LRP1: variants seen among roughly 807,000 people sequenced by gnomAD.
The protein encoded by LRP1 is LDL receptor related protein 1.
Under a neutral mutation model 541.5 loss-of-function variants are expected in LRP1, and 51 were observed. The observed-to-expected ratio is 0.09, with a 90% CI of 0.08 to 0.12. LRP1 has a LOEUF of 0.12. Among genes scored for constraint, LRP1 ranks in the 10% least tolerant of loss-of-function variants. LRP1 has a pLI of 1.00. For missense variants in LRP1, 3,878 were observed against 6,376.2 expected, an observed-to-expected ratio of 0.61 and a Z score of 13.34; for synonymous variants, 2,219 against 2,470.8, an observed-to-expected ratio of 0.90 and a Z score of 3.02.
At chr12:57,209,035 G>C in intron 78 of LRP1, 48 bp from the exon 79 acceptor site, 4 of 1,491,412 alleles carry the variant, frequency 2.7e-6, no homozygotes, top group Non-Finnish European at 3.7e-6. Flanking sequence ...TCCACCCCGA[G>C]CCTGGGTTGG....
Position 57,195,049 on chromosome 12 carries a change from G to A in LRP1, c.8256G>A (p.Leu2752=). The change falls in exon 51 of 89, where the codon CTG becomes CTA. Residue 2752 remains leucine (L), a synonymous_variant. Transcript: ENST00000243077. ...QNHRCISKQW[L]CDGSDDCGDG... ...ATCGCTGCATCTCCAAGCAGTGGCT[G>A]TGTGACGGCAGCGATGACTGTGGGG... is the stretch of plus-strand genomic sequence containing the variant. 1.2e-6 allele frequency: 2 copies of A among 1,614,138 alleles called. No homozygotes were observed. Among genetic ancestry groups the A allele is most frequent in the South Asian group, 2.2e-5 (2 of 91,084 alleles).
At chr12:57,131,629 G>A (rs901025608) in intron 1 of LRP1, among the ~76,000 whole-genome samples, 3 of 152,270 alleles carry the variant, frequency 2.0e-5, no homozygotes, top group South Asian at 4.1e-4. Flanking sequence ...CATCCTAAAC[G>A]TCTCCCTTTG....
At position 57,156,021 on chromosome 12, in the gene LRP1, C is replaced by T; in HGVS notation, c.1228-73C>T. On this transcript the variant is annotated intron_variant, in intron 8 of 88. Transcript: ENST00000243077. The surrounding 1 kb of genome is among the most constrained non-coding windows in gnomAD (Gnocchi z 5.2). Reference sequence around the variant, plus strand: ...TGCAGGTCATGAAGTCTGGAGGAAGCTGAGGGGATCTCCAGGACAGAGGGA... The same window carrying T: ...TGCAGGTCATGAAGTCTGGAGGAAGTTGAGGGGATCTCCAGGACAGAGGGA... 8.0e-7 allele frequency: 1 copy of T among 1,244,702 alleles called. No homozygotes were observed. The allele number at this position is 1,244,702 out of a possible 1,614,324, so 77.1% of individuals were successfully genotyped here.
chr12:57,136,923 C>T (rs2035182523), intron 1 of LRP1, among the ~76,000 whole-genome samples: 1 of 152,176 alleles, frequency 6.6e-6, no homozygotes, highest in South Asian at 2.1e-4. Context: ...ACCACAGTTC[C>T]TGGCACATAC....
intron 6 of LRP1, among the ~76,000 whole-genome samples, chr12:57,148,396 G>T (rs1367408736): frequency 6.6e-6 from 1 of 152,092 alleles, no homozygotes; most frequent in South Asian, 2.1e-4. Flanking sequence ...GGCCCAGAGG[G>T]ATCAACAGGC....
Position 57,212,163 on chromosome 12 carries a change from G to T in LRP1, c.13396G>T (p.Val4466Leu), listed in dbSNP as rs530070761. ...ACGGATGACCAACGGGGCCATGAAC[G>T]TGGAGATTGGAAACCCCACCTACAA... ...HQRMTNGAMN[V>L]EIGNPTYKMY... is the part of the protein sequence containing the mutation. The change falls in exon 88 of 89, where the codon GTG (valine) becomes TTG (leucine). Residue 4466 changes from valine (V) to leucine (L), a missense_variant. Physicochemically the swap from Val to Leu is conservative, Grantham distance 32 (BLOSUM62 1). Around this residue, in one of 13 missense-constraint regions of LRP1, gnomAD observed 871 missense variants for 1,212.4 expected, o/e 0.72. Transcript: ENST00000243077. The surrounding 1 kb of genome is among the most constrained non-coding windows in gnomAD (Gnocchi z 5.0). 5.0e-6 allele frequency: 8 copies of T among 1,614,018 alleles called. No homozygotes were observed. The highest frequency in any genetic ancestry group is 1.3e-5 in the African/African-American group (1 of 75,028).
rs1166301138 is a variant in LRP1 at position 57,212,517 on chromosome 12, C to T, written c.13597C>T (p.Arg4533Trp). 1.2e-5 allele frequency: 20 copies of T among 1,613,564 alleles called. No individual in the cohort carries two copies. The highest frequency in any genetic ancestry group is 1.6e-5 in the Non-Finnish European group (19 of 1,179,728). The change falls in exon 89 of 89, where the codon CGG (arginine) becomes TGG (tryptophan). Residue 4533 changes from arginine (R) to tryptophan (W), a missense_variant. Transcript: ENST00000243077. The surrounding 1 kb of genome is among the most constrained non-coding windows in gnomAD (Gnocchi z 5.0). ...GGACGAGAAGCGAGAACTCCTGGGC[C>T]GGGGCCCTGAGGACGAGATAGGGGA... The part of the protein sequence containing the change: ...STDEKRELLG[R>W]GPEDEIGDPL...
intron 6 of LRP1, 59 bp downstream of exon 6, chr12:57,145,549 G>T: frequency 6.3e-7 from 1 of 1,583,626 alleles, no homozygotes. Flanking sequence ...AGGGAAGGTG[G>T]ACCCTATCTT....
chr12:57,152,937 G>A (rs1336318820), intron 6 of LRP1, among the ~76,000 whole-genome samples: 1 of 152,172 alleles, frequency 6.6e-6, no homozygotes, highest in South Asian at 2.1e-4. Flanking sequence ...AGCAGCCCCT[G>A]AATCCCTGTG....
intron 31 of LRP1, 23 bp downstream of exon 31, chr12:57,180,164 C>T (rs2036134821): frequency 3.7e-6 from 6 of 1,608,004 alleles, no homozygotes; most frequent in Non-Finnish European, 5.1e-6. Flanking sequence ...CTGCCCACCC[C>T]CACAGCCCCT....
intron 23 of LRP1, 74 bp from the exon 24 acceptor site, chr12:57,175,835 C>T (rs772695700): frequency 3.2e-5 from 51 of 1,587,646 alleles, no homozygotes; most frequent in Non-Finnish European, 4.2e-5. Flanking sequence ...CCAGCAGAGA[C>T]CTGCCTGCGC....
intron 22 of LRP1, 110 bp from the exon 23 acceptor site, chr12:57,175,350 G>T: frequency 6.1e-6 from 8 of 1,303,902 alleles, no homozygotes; most frequent in Non-Finnish European, 8.7e-6. Flanking sequence ...CGTGGGCAGG[G>T]CACAAGGACT....
chr12:57,132,762 A>G lies in LRP1; in HGVS notation c.67+3731A>G, dbSNP rs535076876. On this transcript the variant is annotated intron_variant, in intron 1 of 88. Coordinates refer to ENST00000243077, the MANE Select transcript of LRP1 (RefSeq NM_002332.3). ...TTTCTGCGTCTCTGTCACTTGTCTTATTTTTCTCTGCCTGTCTCCATTTAC... is the reference window on the plus strand; with the variant it reads ...TTTCTGCGTCTCTGTCACTTGTCTTGTTTTTCTCTGCCTGTCTCCATTTAC... Among the ~76,000 whole-genome samples the G allele has an allele frequency of 3.3e-5, 5 of 151,506 alleles. No individual in the cohort carries two copies. The East Asian group carries it at 7.8e-4, about 24-fold the overall frequency.
rs745832517 is a variant in LRP1, at chr12:57,211,183, C to T, written c.12924C>T (p.Cys4308=). 3 of 1,614,172 alleles carry T rather than the reference C, an allele frequency of 1.9e-6. No homozygotes were observed. Among genetic ancestry groups the T allele is most frequent in the South Asian group, 1.1e-5 (1 of 91,090 alleles). The change falls in exon 84 of 89, where the codon TGC becomes TGT. Residue 4308 remains cysteine (C), a synonymous_variant. Coordinates refer to ENST00000243077, the MANE Select transcript of LRP1 (RefSeq NM_002332.3). The surrounding 1 kb of genome is among the most constrained non-coding windows in gnomAD (Gnocchi z 4.3). ...CTCCCTCCCCAACCACAGGGCAGTG[C>T]TCTGGCTACTGTGAGAACTTTGGCA... ...FLGDRCQYRQ[C]SGYCENFGTC...
chr12:57,148,012 G>A (rs147497332), intron 6 of LRP1, among the ~76,000 whole-genome samples: 1,689 of 152,270 alleles, frequency 0.011, 15 homozygotes, highest in Non-Finnish European at 0.02. Context: ...TATGAGGCTC[G>A]AATTCCAAGA....
At chr12:57,150,189 C>CTTTTTTTTTTTTTTTTTTTTTTTTTTT (rs769778868) in intron 6 of LRP1, 8 of 92,842 alleles carry the variant, frequency 8.6e-5, no homozygotes, top group African/African-American at 3.6e-4. Flanking sequence ...AAACTTCCTT[C>CTTTTTTTTTTTTTTTTTTTTTTTTTTT]TTTTTTTTTT....
rs41291997 is a variant in LRP1 at position 57,158,541 on chromosome 12, C to T, written c.1701C>T (p.His567=). 54 of 1,614,226 alleles carry T rather than the reference C, an allele frequency of 3.3e-5. 1 individual carries two copies. Among genetic ancestry groups the T allele is most frequent in the South Asian group, 7.7e-5 (7 of 91,078 alleles). ...TGAACCCCCGAGCCCTGGACTTCCA[C>T]GCTGAGACCGGCTTCATCTACTTTG... ...NLMNPRALDF[H]AETGFIYFAD... is the part of the protein sequence containing the mutation. Residue 567 remains histidine (H), a synonymous_variant, in exon 11 of 89, where the codon CAC becomes CAT. Transcript: ENST00000243077. This position sits in a 1 kb window ranked among gnomAD's most constrained non-coding sequence, Gnocchi z 5.3.
At position 57,177,303 on chromosome 12, in the gene LRP1, C is replaced by T. The variant is rs1351465684; in HGVS notation, c.4196+58C>T. 6.3e-7 allele frequency: 1 copy of T among 1,592,784 alleles called. No homozygotes were observed. Among genetic ancestry groups the T allele is most frequent in the Non-Finnish European group, 8.6e-7 (1 of 1,163,952 alleles). On this transcript the variant is annotated intron_variant, in intron 25 of 88. Transcript: ENST00000243077. The surrounding 1 kb of genome is among the most constrained non-coding windows in gnomAD (Gnocchi z 6.8). ...ATGGCCCCCCTGAAGTCCCATTCAG[C>T]CTGGCCAGGGACACCTTACTCCTCA...
rs1332515780 is a variant in LRP1, at chr12:57,211,136, G to C, written c.12917-40G>C. 1 of 1,602,846 alleles carries C rather than the reference G, an allele frequency of 6.2e-7. No individual in the cohort carries two copies. The highest frequency in any genetic ancestry group is 1.3e-5 in the African/African-American group (1 of 74,826). ...TTCAACCTATGGAGAGCCCTCATGA[G>C]GGTGGGGCTTGAGGCACTTCTCTCC... On this transcript the variant is annotated intron_variant, in intron 83 of 88. Transcript: ENST00000243077. The surrounding 1 kb of genome is among the most constrained non-coding windows in gnomAD (Gnocchi z 4.3).
Sources: allele counts gnomAD v4.1 joint callset (sites outside exome capture counted in the v4.1 genomes callset), GRCh38; gene constraint gnomAD v4.1.1; regional missense constraint gnomAD v4.1.1; non-coding constraint Gnocchi (gnomAD v3.1); transcripts MANE v1.5; gene names NCBI Gene and HGNC (gene_info 2026-07-23, HGNC 2026-07-21).